Variants in PPP2R2C observed in about 807,000 individuals in gnomAD.
PPP2R2C encodes protein phosphatase 2 regulatory subunit Bgamma.
A neutral mutation model predicts 45.3 loss-of-function variants in PPP2R2C; 10 were observed. The observed-to-expected ratio is 0.22, with a 90% CI of 0.14 to 0.37. The LOEUF (loss-of-function observed/expected upper bound fraction) is 0.37. Ranked by LOEUF, PPP2R2C falls within the 10% of genes least tolerant of loss-of-function variation. The pLI is 1.00. For synonymous variants in PPP2R2C, 257 were observed against 245.4 expected (o/e 1.05, Z -0.44); for missense variants, 308 against 619.7 (o/e 0.50, Z 5.34).
intron 2 of PPP2R2C, among the ~76,000 whole-genome samples, chr4:6,494,588 CT>C (rs1372175983): frequency 6.6e-6 from 1 of 152,210 alleles, no homozygotes; most frequent in East Asian, 1.9e-4. Flanking sequence ...AACCCAGCCC[CT>C]AACTCAGACA....
chr4:6,502,968 C>G (rs1723107099), intron 2 of PPP2R2C, among the ~76,000 whole-genome samples: 1 of 152,196 alleles, frequency 6.6e-6, no homozygotes, highest in South Asian at 2.1e-4. Flanking sequence ...TGCTGTCACC[C>G]TGGGCTGCAC....
intron 2 of PPP2R2C, among the ~76,000 whole-genome samples, chr4:6,478,967 A>G (rs1722259413): frequency 6.6e-6 from 1 of 152,188 alleles, no homozygotes. Flanking sequence ...CACCACATGC[A>G]AGTTCAGTAA....
chr4:6,376,815 G>A (rs1715342919), intron 3 of PPP2R2C, among the ~76,000 whole-genome samples: 1 of 152,222 alleles, frequency 6.6e-6, no homozygotes, highest in South Asian at 2.1e-4. Flanking sequence ...CGAGGCTCCT[G>A]TCCCCCAGGG....
chr4:6,512,389 ATGG>A (rs1560595326), intron 2 of PPP2R2C, among the ~76,000 whole-genome samples: 40 of 6,196 alleles, frequency 6.5e-3, no homozygotes, highest in African/African-American at 0.018. Flanking sequence ...GGTGGTGGTG[ATGG>A]TGGTGGTGGT....
intron 1 of PPP2R2C, among the ~76,000 whole-genome samples, chr4:6,440,421 T>C (rs1720095686): frequency 6.6e-6 from 1 of 152,168 alleles, no homozygotes; most frequent in Admixed American, 6.5e-5. Context: ...CAGAGTCCCC[T>C]GGGGCCAACA....
chr4:6,480,845 A>T (rs1722323246), intron 2 of PPP2R2C, among the ~76,000 whole-genome samples: 1 of 152,244 alleles, frequency 6.6e-6, no homozygotes, highest in Admixed American at 6.5e-5. Flanking sequence ...ACTTAAATTC[A>T]TGTGAAGTTG....
intron 1 of PPP2R2C, among the ~76,000 whole-genome samples, chr4:6,459,241 G>A (rs1364950189): frequency 6.6e-6 from 1 of 152,120 alleles, no homozygotes; most frequent in Non-Finnish European, 1.5e-5. Context: ...AGGTGGTGCT[G>A]GATATTAGGC....
intron 1 of PPP2R2C, among the ~76,000 whole-genome samples, chr4:6,385,074 T>C (rs1485926984): frequency 2.6e-5 from 4 of 152,212 alleles, no homozygotes; most frequent in Non-Finnish European, 5.9e-5. Context: ...CAAAATGTAC[T>C]GGACAGAAAC....
chr4:6,415,774 C>G (rs1471176801), intron 1 of PPP2R2C, among the ~76,000 whole-genome samples: 1 of 152,228 alleles, frequency 6.6e-6, no homozygotes, highest in Non-Finnish European at 1.5e-5. Flanking sequence ...TCTCTGGTGT[C>G]TGAATCCTTC....
intron 1 of PPP2R2C, among the ~76,000 whole-genome samples, chr4:6,439,863 A>G (rs1431390469): frequency 6.6e-6 from 1 of 152,094 alleles, no homozygotes; most frequent in African/African-American, 2.4e-5. Flanking sequence ...AGCCCACCCC[A>G]TGCTATTTGC....
chr4:6,366,967 G>A (rs896257728), intron 5 of PPP2R2C, among the ~76,000 whole-genome samples: 5 of 151,964 alleles, frequency 3.3e-5, no homozygotes, highest in Admixed American at 6.5e-5. Flanking sequence ...CTGTGCAGAA[G>A]GCTCTGGGCA....
At chr4:6,511,360 ATGG>A (rs765611419) in intron 2 of PPP2R2C, among the ~76,000 whole-genome samples, 10 of 147,730 alleles carry the variant, frequency 6.8e-5, no homozygotes, top group African/African-American at 2.3e-4. Context: ...AGTGATGGTA[ATGG>A]TGGTGGTGGC....
intron 5 of PPP2R2C, among the ~76,000 whole-genome samples, chr4:6,351,477 C>T (rs1172443643): frequency 6.6e-6 from 1 of 152,104 alleles, no homozygotes; most frequent in African/African-American, 2.4e-5. Flanking sequence ...ACACAGAGTC[C>T]CCAAAGGCAA....
chr4:6,514,262 G>T (rs1723763716), intron 2 of PPP2R2C, among the ~76,000 whole-genome samples: 1 of 152,174 alleles, frequency 6.6e-6, no homozygotes, highest in Non-Finnish European at 1.5e-5. Flanking sequence ...TTTACTAAAT[G>T]AACCAAGTGG....
At position 6,472,441 on chromosome 4, in the gene PPP2R2C, G is replaced by A. The variant is rs1025238899; in HGVS notation, c.-212C>T. 3 of 532,362 alleles carry A rather than the reference G, an allele frequency of 5.6e-6. No homozygotes were observed. Among genetic ancestry groups the A allele is most frequent in the South Asian group, 1.6e-4 (2 of 12,800 alleles). The allele number at this position is 532,362 out of a possible 1,614,324, so 33.0% of individuals were successfully genotyped here. A position where few individuals can be genotyped will look rare whatever the true frequency, so the allele number is the denominator to read the frequency against. ...AGCGAGCGCGCGGTGGGCGGGCGGC[G>A]GCCGCGGGTTCGGGCGGGCCGGGGC... On this transcript the variant is annotated 5_prime_UTR_variant, in exon 1 of 9. Coordinates refer to ENST00000382599, the MANE Select transcript of PPP2R2C (RefSeq NM_020416.4).
chr4:6,542,709 A>AAAAAAAAAAAAAAAAAAAAAAAAG (rs112182178), intron 1 of PPP2R2C, among the ~76,000 whole-genome samples: 1 of 127,818 alleles, frequency 7.8e-6, no homozygotes, highest in Non-Finnish European at 1.6e-5. Context: ...TCTCAAAAAA[A>AAAAAAAAAAAAAAAAAAAAAAAAG]AAAAAGAAAA....
At position 6,471,466 on chromosome 4, in the gene PPP2R2C, TA is replaced by T. The variant is rs1342752813; in HGVS notation, c.70+693del. The T allele has an allele frequency of 6.6e-6, 1 of 152,112 alleles. No individual in the cohort carries two copies. The highest frequency in any genetic ancestry group is 1.5e-5 in the Non-Finnish European group (1 of 68,026). The allele number at this position is 152,112 out of a possible 1,614,324, so 9.4% of individuals were successfully genotyped here. Reference sequence around the variant, plus strand: ...GGGGGTTGGGCTTGTAGGGCCAACTTAGGGGATTTTAAACAGGGCCTGTTTG... The same window carrying T: ...GGGGGTTGGGCTTGTAGGGCCAACTTGGGGATTTTAAACAGGGCCTGTTTG... On this transcript the variant is annotated intron_variant, in intron 1 of 8. Coordinates refer to ENST00000382599, the MANE Select transcript of PPP2R2C (RefSeq NM_020416.4). The surrounding 1 kb of genome is among the most constrained non-coding windows in gnomAD (Gnocchi z 5.6).
chr4:6,389,618 C>A (rs879505406), intron 1 of PPP2R2C, among the ~76,000 whole-genome samples: 1 of 152,136 alleles, frequency 6.6e-6, no homozygotes, highest in Non-Finnish European at 1.5e-5. Context: ...GATGGGGAGC[C>A]CCCTCCTCAC....
At chr4:6,508,802 C>T (rs991394689) in intron 2 of PPP2R2C, among the ~76,000 whole-genome samples, 1 of 152,132 alleles carries the variant, frequency 6.6e-6, no homozygotes, top group African/African-American at 2.4e-5. Context: ...CACATTAAGA[C>T]GCAGCCCCTC....
Sources: gnomAD v4.1 joint callset for allele counts (sites outside exome capture counted in the v4.1 genomes callset) on GRCh38, gnomAD v4.1.1 for gene constraint, Gnocchi (gnomAD v3.1) non-coding constraint, MANE v1.5 for transcripts, NCBI Gene and HGNC (gene_info 2026-07-23, HGNC 2026-07-21) for gene names.